The following SLC9A3 variants were observed in gnomAD, a reference collection of about 807,000 sequenced individuals.
SLC9A3 encodes the protein solute carrier family 9 member A3, also known as sodium/hydrogen exchanger 3.
Under a neutral mutation model 86.8 loss-of-function variants are expected in SLC9A3, and 37 were observed. That is an observed-to-expected ratio of 0.43 (90% CI 0.33 to 0.56). The LOEUF (loss-of-function observed/expected upper bound fraction) is 0.56, where lower values mean the gene tolerates loss of function less well. Ranked by LOEUF, SLC9A3 falls within the 20% of genes least tolerant of loss-of-function variation. The pLI is 0.06. For missense variants in SLC9A3, 1,011 were observed against 1,171.9 expected, an observed-to-expected ratio of 0.86 and a Z score of 2.00; for synonymous variants, 581 against 528.3, an observed-to-expected ratio of 1.10 and a Z score of -1.37.
chr5:505,722 GGA>G (rs1490667537), intron 1 of SLC9A3, among the ~76,000 whole-genome samples: 2 of 51,078 alleles, frequency 3.9e-5, no homozygotes, highest in African/African-American at 6.9e-5. Context: ...GAGTGACCAC[GGA>G]GAGGGGAGAG....
chr5:488,400 C>G lies in SLC9A3; in HGVS notation c.591G>C (p.Leu197=), dbSNP rs752613404. The G allele has an allele frequency of 6.2e-7, 1 of 1,610,754 alleles. No homozygotes were observed. Among genetic ancestry groups the G allele is most frequent in the East Asian group, 2.2e-5 (1 of 44,730 alleles). Residue 197 remains leucine (L), a synonymous_variant, in exon 3 of 17, where the codon CTG becomes CTC. Coordinates refer to ENST00000264938, the MANE Select transcript of SLC9A3 (RefSeq NM_004174.4). ...LMAAVDPVAV[L]AVFEEVHVNE... ...TGACATGGACCTCCTCAAACACGGC[C>G]AGGACGGCCACCGGGTCCACAGCCG...
In SLC9A3 at chr5:524,212, G is replaced by T. The variant is rs369694283; in HGVS notation, c.111C>A (p.Gly37=). 2.2e-5 allele frequency: 34 copies of T among 1,520,258 alleles called. No individual in the cohort carries two copies. The highest frequency in any genetic ancestry group is 2.9e-5 in the Non-Finnish European group (33 of 1,135,860). 94.2% of individuals were successfully genotyped at this position (1,520,258 alleles called of 1,614,324 possible). A position where few individuals can be genotyped will look rare whatever the true frequency, so the allele number is the denominator to read the frequency against. ...TGACCACCTGGAAGCCCCCGCTCTC[G>T]CCGTGCGCGCCGCCGGGCTCCACCT... The part of the protein sequence containing the change: ...GVEVEPGGAH[G]ESGGFQVVTF... Residue 37 remains glycine (G), a synonymous_variant, in exon 1 of 17, where the codon GGC becomes GGA. Transcript: ENST00000264938.
chr5:519,842 C>T (rs933782681), intron 1 of SLC9A3, among the ~76,000 whole-genome samples: 12 of 152,094 alleles, frequency 7.9e-5, no homozygotes, highest in Admixed American at 6.5e-4. Context: ...GGTGGGGGGG[C>T]TGCGCCGCTC....
intron 9 of SLC9A3, chr5:480,894 T>C (rs1414315757): frequency 6.6e-6 from 1 of 152,302 alleles, no homozygotes; most frequent in Non-Finnish European, 1.5e-5. Context: ...ATGGACAAAC[T>C]CTTTTTTTTA....
chr5:491,799 G>T lies in SLC9A3; in HGVS notation c.484C>A (p.Leu162Ile). The part of the protein sequence containing the change: ...VWNAATTGLS[L>I]YGVFLSGLMG... ...AGCCCACTGAGGAAGACGCCGTAGA[G>T]GGACAGCCCGGTGGTGGCCGCGTTC... Residue 162 changes from leucine (L) to isoleucine (I), a missense_variant, in exon 2 of 17, where the codon CTC (leucine) becomes ATC (isoleucine). By Grantham distance (5) the Leu-to-Ile change is conservative. Coordinates refer to ENST00000264938, the MANE Select transcript of SLC9A3 (RefSeq NM_004174.4). The surrounding 1 kb of genome is among the most constrained non-coding windows in gnomAD (Gnocchi z 9.2). The T allele has an allele frequency of 6.3e-7, 1 of 1,577,898 alleles. No individual in the cohort carries two copies. Among genetic ancestry groups the T allele is most frequent in the Non-Finnish European group, 8.6e-7 (1 of 1,160,966 alleles).
Position 496,876 on chromosome 5 carries a change from C to T in SLC9A3, c.212-4805G>A, listed in dbSNP as rs1224401145. Among the ~76,000 whole-genome samples, 1 of 151,878 alleles carries T rather than the reference C, an allele frequency of 6.6e-6. No homozygotes were observed. Among genetic ancestry groups the T allele is most frequent in the East Asian group, 1.9e-4 (1 of 5,172 alleles). On this transcript the variant is annotated intron_variant, in intron 1 of 16. Coordinates refer to ENST00000264938, the MANE Select transcript of SLC9A3 (RefSeq NM_004174.4). This position sits in a 1 kb window ranked among gnomAD's most constrained non-coding sequence, Gnocchi z 4.7. ...GACCAGCCTGGGCAACATGGCGAAA[C>T]CCCATCTTTACAAAAAAAAATACAA...
intron 1 of SLC9A3, among the ~76,000 whole-genome samples, chr5:493,894 G>A (rs1299523826): frequency 1.3e-5 from 2 of 152,238 alleles, no homozygotes; most frequent in Non-Finnish European, 2.9e-5. Context: ...GCGGGGGTTG[G>A]CCCGGGGAGG....
intron 6 of SLC9A3, among the ~76,000 whole-genome samples, 186 bp from the exon 7 acceptor site, chr5:482,936 TC>T (rs997737854): frequency 6.0e-5 from 9 of 150,276 alleles, no homozygotes; most frequent in African/African-American, 2.0e-4. Context: ...GCCTGGCGTC[TC>T]CCCCCCACGC....
rs1021540599 is a variant in SLC9A3 at position 501,940 on chromosome 5, C to T, written c.212-9869G>A. On this transcript the variant is annotated intron_variant, in intron 1 of 16. Transcript: ENST00000264938. ...GCCACGCAGGAAGCCCCTCTCCGAGCGAGGCCGGGCCCCCGGGCCGGGAAG... is the reference window on the plus strand; with the variant it reads ...GCCACGCAGGAAGCCCCTCTCCGAGTGAGGCCGGGCCCCCGGGCCGGGAAG... Among the ~76,000 whole-genome samples the T allele has an allele frequency of 5.3e-5, 8 of 152,318 alleles. No homozygotes were observed. The South Asian group carries it at 6.2e-4, about 12-fold the overall frequency.
chr5:484,669 G>A lies in SLC9A3; in HGVS notation c.783C>T (p.Gly261=). Residue 261 remains glycine, a synonymous_variant, in exon 5 of 17, where the codon GGC becomes GGT. Coordinates refer to ENST00000264938, the MANE Select transcript of SLC9A3 (RefSeq NM_004174.4). ...AGGCGAAGACCACCCCCACCAGCGT[G>A]CCCCCCAGGCTCACCACGAAGAAGG... is the stretch of plus-strand genomic sequence containing the variant. ...IVSFFVVSLG[G]TLVGVVFAFL... is the part of the protein sequence containing the mutation. 1 of 1,613,030 alleles carries A rather than the reference G, an allele frequency of 6.2e-7. No homozygotes were observed. The highest frequency in any genetic ancestry group is 8.5e-7 in the Non-Finnish European group (1 of 1,179,940).
intron 1 of SLC9A3, among the ~76,000 whole-genome samples, chr5:520,068 C>T (rs1733842107): frequency 6.6e-6 from 1 of 152,090 alleles, no homozygotes; most frequent in South Asian, 2.1e-4. Flanking sequence ...CCCCACCCAG[C>T]CCCACTGTCC....
chr5:475,588 T>C lies in SLC9A3; in HGVS notation c.2224A>G (p.Lys742Glu). 1.3e-6 allele frequency: 2 copies of C among 1,551,154 alleles called. No homozygotes were observed. Among genetic ancestry groups the C allele is most frequent in the Non-Finnish European group, 1.7e-6 (2 of 1,146,072 alleles). ...GGIEFLASVT[K>E]DTASDSPAGI... is the part of the protein sequence containing the mutation. ...GCAGGGGAGTCGGACGCTGTGTCCT[T>C]GGTGACACTAGCCAGGAACTCGATC... The change falls in exon 15 of 17, where the codon AAG (lysine) becomes GAG (glutamate). Residue 742 changes from lysine to glutamate, a missense_variant. Physicochemically the swap from Lys to Glu is moderately conservative, Grantham distance 56. Around this residue, in one of 3 missense-constraint regions of SLC9A3, gnomAD observed 397 missense variants for 346.3 expected, o/e 1.15. Coordinates refer to ENST00000264938, the MANE Select transcript of SLC9A3 (RefSeq NM_004174.4).
At chr5:517,567 CATTCA>C (rs1478531957) in intron 1 of SLC9A3, among the ~76,000 whole-genome samples, 1 of 151,954 alleles carries the variant, frequency 6.6e-6, no homozygotes, top group Non-Finnish European at 1.5e-5. Flanking sequence ...CCCATCCATC[CATTCA>C]CCCATCCACC....
intron 1 of SLC9A3, among the ~76,000 whole-genome samples, chr5:500,422 C>T (rs999193848): frequency 6.6e-6 from 1 of 152,220 alleles, no homozygotes; most frequent in African/African-American, 2.4e-5. Context: ...CGGGACCCTC[C>T]AGGGACACAG....
chr5:483,286 A>G lies in SLC9A3; in HGVS notation c.1129T>C (p.Phe377Leu). The G allele has an allele frequency of 1.3e-6, 2 of 1,551,966 alleles. No homozygotes were observed. Among genetic ancestry groups the G allele is most frequent in the Non-Finnish European group, 1.7e-6 (2 of 1,146,530 alleles). Residue 377 changes from phenylalanine (F) to leucine (L), a missense_variant, in exon 6 of 17, where the codon TTC (phenylalanine) becomes CTC (leucine). Physicochemically the swap from Phe to Leu is conservative, Grantham distance 22. Coordinates refer to ENST00000264938, the MANE Select transcript of SLC9A3 (RefSeq NM_004174.4). ...NTAFVLLTLV[F>L]ISVYRAIGVV... ...CCGATGGCCCGGTACACGGAGATGA[A>G]GACCAGCGTCAGGAGCACGAAGGCC... is the stretch of plus-strand genomic sequence containing the variant.
chr5:475,522 A>C (rs1295335655), intron 15 of SLC9A3, 39 bp downstream of exon 15: 7 of 1,241,826 alleles, frequency 5.6e-6, no homozygotes, highest in South Asian at 2.6e-5. Flanking sequence ...GGCAGGAGCC[A>C]CCCCTCCCTT....
intron 2 of SLC9A3, among the ~76,000 whole-genome samples, chr5:489,938 T>C (rs1430993885): frequency 6.6e-6 from 1 of 152,240 alleles, no homozygotes; most frequent in Non-Finnish European, 1.5e-5. Context: ...CTCTGATGCC[T>C]GAAGCTCTCG....
intron 14 of SLC9A3, 41 bp from the exon 15 acceptor site, chr5:475,712 G>T: frequency 8.7e-7 from 1 of 1,145,182 alleles, no homozygotes; most frequent in Admixed American, 2.0e-5. Context: ...GGTCACTGGG[G>T]GGCTGTCCTC....
intron 5 of SLC9A3, 98 bp from the exon 6 acceptor site, chr5:483,580 A>G: frequency 1.2e-6 from 1 of 860,954 alleles, no homozygotes; most frequent in Admixed American, 2.2e-5. Flanking sequence ...CTGTAGGCCC[A>G]GAGTCACAGT....
Sources: gnomAD v4.1 joint callset for allele counts (sites outside exome capture counted in the v4.1 genomes callset) on GRCh38, gnomAD v4.1.1 for gene constraint, gnomAD v4.1.1 regional missense constraint, Gnocchi (gnomAD v3.1) non-coding constraint, MANE v1.5 for transcripts, NCBI Gene and HGNC (gene_info 2026-07-23, HGNC 2026-07-21) for gene names.